The following SMAP1 variants were observed in gnomAD, a reference collection of about 807,000 sequenced individuals.
The protein encoded by SMAP1 is small ArfGAP 1, also known as stromal membrane-associated protein 1.
Under a neutral mutation model 58.5 loss-of-function variants are expected in SMAP1, and 24 were observed. The ratio of observed to expected loss-of-function variants is 0.41; its 90% CI spans 0.30 to 0.58. The LOEUF (loss-of-function observed/expected upper bound fraction) is 0.58, where lower values mean the gene tolerates loss of function less well. Among genes scored for constraint, SMAP1 ranks in the 20% least tolerant of loss-of-function variants. The pLI is 0.29. For missense variants in SMAP1, 563 were observed against 566.3 expected (o/e 0.99, Z 0.06); for synonymous variants, 216 against 196.6 (o/e 1.10, Z -0.82).
intron 6 of SMAP1, among the ~76,000 whole-genome samples, chr6:70,823,559 T>A (rs1030948912): frequency 2.6e-5 from 4 of 152,170 alleles, no homozygotes; most frequent in Non-Finnish European, 4.4e-5. Flanking sequence ...CATGGGGCAT[T>A]GGTTCTAGGA....
rs1012796791 is a variant in SMAP1 at position 70,861,534 on chromosome 6, A to G, written c.*1200A>G. On this transcript the variant is annotated 3_prime_UTR_variant, in exon 11 of 11. Transcript: ENST00000370455. ...AGCTCCATTTAAACAGATGTCCATC[A>G]GATGACAAGAAAGGCTGCTGTACTG... 14 of 741,658 alleles carry G rather than the reference A, an allele frequency of 1.9e-5. No individual in the cohort carries two copies. In the African/African-American group the frequency reaches 2.1e-4, roughly 11 times the overall value. The allele number at this position is 741,658 out of a possible 1,614,324, so 45.9% of individuals were successfully genotyped here.
At chr6:70,682,069 G>T (rs755785813) in intron 1 of SMAP1, among the ~76,000 whole-genome samples, 1 of 151,252 alleles carries the variant, frequency 6.6e-6, no homozygotes, top group Non-Finnish European at 1.5e-5. Flanking sequence ...GAGAGAGTAA[G>T]ATGGGTCTGA....
intron 4 of SMAP1, among the ~76,000 whole-genome samples, chr6:70,788,193 C>A (rs865875262): frequency 6.7e-6 from 1 of 150,136 alleles, no homozygotes; most frequent in Admixed American, 6.7e-5. Context: ...AGCAAACTAT[C>A]GCAAGGACAA....
chr6:70,731,136 C>A (rs1051094979), intron 1 of SMAP1, among the ~76,000 whole-genome samples: 1 of 152,200 alleles, frequency 6.6e-6, no homozygotes, highest in Non-Finnish European at 1.5e-5. Flanking sequence ...TATATACATA[C>A]ATTTTTCATA....
chr6:70,676,967 T>C (rs1382478606), intron 1 of SMAP1, among the ~76,000 whole-genome samples: 4 of 151,802 alleles, frequency 2.6e-5, no homozygotes, highest in African/African-American at 9.7e-5. Context: ...AATTTTTTTG[T>C]TGGGTGTGGT....
At chr6:70,832,762 ATAAC>A (rs1387894082) in intron 6 of SMAP1, among the ~76,000 whole-genome samples, 2 of 152,194 alleles carry the variant, frequency 1.3e-5, no homozygotes, top group African/African-American at 4.8e-5. Flanking sequence ...CACTCTCTTG[ATAAC>A]TAACCTATGC....
At chr6:70,703,087 T>C (rs1382235504) in intron 1 of SMAP1, among the ~76,000 whole-genome samples, 1 of 151,376 alleles carries the variant, frequency 6.6e-6, no homozygotes, top group Admixed American at 6.6e-5. Flanking sequence ...TTTCACGACT[T>C]TTTTTTTTGA....
intron 4 of SMAP1, among the ~76,000 whole-genome samples, chr6:70,779,590 G>A (rs1237982654): frequency 1.3e-5 from 2 of 152,098 alleles, no homozygotes; most frequent in African/African-American, 2.4e-5. Flanking sequence ...ATGATGGGGA[G>A]TCCTTCCTGG....
chr6:70,793,518 A>C (rs1768458196), intron 5 of SMAP1, among the ~76,000 whole-genome samples: 1 of 152,040 alleles, frequency 6.6e-6, no homozygotes. Context: ...TTGAGCAGAA[A>C]AGGAAAGAGG....
intron 1 of SMAP1, among the ~76,000 whole-genome samples, chr6:70,683,589 A>G (rs1443780716): frequency 2.0e-5 from 3 of 152,190 alleles, no homozygotes; most frequent in African/African-American, 7.2e-5. Flanking sequence ...TTGGGCCAAG[A>G]GAACACAAAA....
At chr6:70,742,014 G>A (rs566065277) in intron 2 of SMAP1, among the ~76,000 whole-genome samples, 1 of 152,182 alleles carries the variant, frequency 6.6e-6, no homozygotes, top group African/African-American at 2.4e-5. Context: ...ACAGCAGGGG[G>A]CCCTGGCCCT....
At chr6:70,697,276 C>T (rs1200390465) in intron 1 of SMAP1, among the ~76,000 whole-genome samples, 3 of 149,240 alleles carry the variant, frequency 2.0e-5, no homozygotes, top group African/African-American at 7.4e-5. Flanking sequence ...TATTTGTTTT[C>T]TGGTTGTTTT....
intron 2 of SMAP1, chr6:70,734,927 A>C (rs935904462): frequency 1.3e-5 from 2 of 153,826 alleles, no homozygotes; most frequent in Non-Finnish European, 2.9e-5. Flanking sequence ...AAGAAATTGT[A>C]GATTATATTG....
intron 6 of SMAP1, among the ~76,000 whole-genome samples, chr6:70,825,966 A>C (rs750107345): frequency 1.2e-4 from 19 of 152,198 alleles, no homozygotes; most frequent in Non-Finnish European, 2.2e-4. Context: ...GTGCATAACT[A>C]GAGTATGAGT....
At chr6:70,791,369 A>G (rs1768343777) in intron 4 of SMAP1, among the ~76,000 whole-genome samples, 1 of 152,198 alleles carries the variant, frequency 6.6e-6, no homozygotes, top group Admixed American at 6.5e-5. Context: ...CACGTCGACT[A>G]AAGATGAACT....
At chr6:70,668,199 C>G in intron 1 of SMAP1, 58 bp downstream of exon 1, 1 of 1,473,164 alleles carries the variant, frequency 6.8e-7, no homozygotes, top group Non-Finnish European at 9.3e-7. Context: ...GTGACCTTCC[C>G]GCCGCTGCGG....
chr6:70,716,029 T>C (rs570986721), intron 1 of SMAP1, among the ~76,000 whole-genome samples: 2 of 152,350 alleles, frequency 1.3e-5, no homozygotes, highest in South Asian at 4.1e-4. Flanking sequence ...AAAAATGGTC[T>C]CCAATCCCAT....
chr6:70,668,670 A>G (rs764499149), intron 1 of SMAP1: 3 of 1,535,854 alleles, frequency 2.0e-6, no homozygotes, highest in South Asian at 2.4e-5. Flanking sequence ...CTTTTGTACA[A>G]GGCTTTTATC....
At chr6:70,839,126 TC>T (rs1300125276) in intron 7 of SMAP1, among the ~76,000 whole-genome samples, 5 of 152,152 alleles carry the variant, frequency 3.3e-5, no homozygotes, top group Non-Finnish European at 7.4e-5. Flanking sequence ...GCCTCAGGTT[TC>T]AACAGCTTAC....
Sources: gnomAD v4.1 joint callset for allele counts (sites outside exome capture counted in the v4.1 genomes callset) on GRCh38, gnomAD v4.1.1 for gene constraint, MANE v1.5 for transcripts, NCBI Gene and HGNC (gene_info 2026-07-23, HGNC 2026-07-21) for gene names.